The following B3GLCT variants were observed in gnomAD, a reference collection of about 807,000 sequenced individuals.
B3GLCT encodes beta-1,3-glucosyltransferase.
B3GLCT carries 65 observed loss-of-function variants against 63.4 expected under a neutral mutation model. The ratio of observed to expected loss-of-function variants is 1.03; its 90% CI spans 0.84 to 1.26. The LOEUF is 1.26. B3GLCT is among the 50% of genes most tolerant of loss of function. The probability of loss-of-function intolerance (pLI) is 0.00; values close to 1 mark genes in which losing one functional copy is unlikely to be tolerated. For synonymous variants in B3GLCT, 233 were observed against 219.2 expected, an observed-to-expected ratio of 1.06 and a Z score of -0.55; for missense variants, 577 against 604.8, an observed-to-expected ratio of 0.95 and a Z score of 0.48.
Position 31,247,045 on chromosome 13 carries a change from TTCA to T in B3GLCT, c.297_299del (p.His99del), listed in dbSNP as rs1159662288. ...CAGGAGCTCCCCAGTGTCCTCCTCCTTCATCAGCTGGCTAAACAAGAAGGTGCA... is the reference window on the plus strand; with the variant it reads ...CAGGAGCTCCCCAGTGTCCTCCTCCTTCAGCTGGCTAAACAAGAAGGTGCA... On this transcript the variant is annotated inframe_deletion, in exon 5 of 15. Coordinates refer to ENST00000343307, the MANE Select transcript of B3GLCT (RefSeq NM_194318.4). 2.5e-6 allele frequency: 4 copies of T among 1,613,008 alleles called. No homozygotes were observed. Among genetic ancestry groups the T allele is most frequent in the Non-Finnish European group, 3.4e-6 (4 of 1,179,702 alleles).
chr13:31,275,539 C>T (rs1307214986), intron 9 of B3GLCT, among the ~76,000 whole-genome samples: 1 of 152,202 alleles, frequency 6.6e-6, no homozygotes. Flanking sequence ...GCACCCTTTA[C>T]TCTTTCAGCA....
intron 8 of B3GLCT, among the ~76,000 whole-genome samples, chr13:31,270,393 A>G (rs562347538): frequency 6.6e-6 from 1 of 152,348 alleles, no homozygotes; most frequent in African/African-American, 2.4e-5. Context: ...AACTTAGAAA[A>G]ACATAATTCT....
chr13:31,330,609 G>A lies in B3GLCT; in HGVS notation c.*941G>A, dbSNP rs1290623583. 2 of 147,926 alleles carry A rather than the reference G, an allele frequency of 1.4e-5. No individual in the cohort carries two copies. Among genetic ancestry groups the A allele is most frequent in the Non-Finnish European group, 3.0e-5 (2 of 67,270 alleles). The allele number at this position is 147,926 out of a possible 1,614,324, so 9.2% of individuals were successfully genotyped here. A position where few individuals can be genotyped will look rare whatever the true frequency, so the allele number is the denominator to read the frequency against. Reference sequence around the variant, plus strand: ...CTCAGGAGAGAAACCCCTTGTGGAAGGACAGCATGGTGATCAGGCAATTTC... The same window carrying A: ...CTCAGGAGAGAAACCCCTTGTGGAAAGACAGCATGGTGATCAGGCAATTTC... On this transcript the variant is annotated 3_prime_UTR_variant, in exon 15 of 15. Coordinates refer to ENST00000343307, the MANE Select transcript of B3GLCT (RefSeq NM_194318.4).
intron 13 of B3GLCT, among the ~76,000 whole-genome samples, chr13:31,321,448 G>T (rs1360218236): frequency 6.6e-6 from 1 of 152,180 alleles, no homozygotes; most frequent in African/African-American, 2.4e-5. Context: ...CTATTGAGTG[G>T]AATAGAATAA....
At chr13:31,242,914 CACA>C (rs1285276462) in intron 4 of B3GLCT, among the ~76,000 whole-genome samples, 1 of 152,026 alleles carries the variant, frequency 6.6e-6, no homozygotes, top group Non-Finnish European at 1.5e-5. Flanking sequence ...ATTATAACAT[CACA>C]TATAATCTGC....
At chr13:31,206,605 G>T (rs4943209) in intron 1 of B3GLCT, among the ~76,000 whole-genome samples, 133,927 of 145,530 alleles carry the variant, frequency 0.92, 61,956 homozygotes, top group East Asian at 0.98. Context: ...AAAAAAAAAG[G>T]TAGCCGGGCA....
chr13:31,281,194 GTTA>G lies in B3GLCT; in HGVS notation c.851-3453_851-3451del, dbSNP rs528860703. ...CTGCAGTCTCCCTCTAATTAAAGAG[GTTA>G]AATTGCCGTTTGCTCAGCCTTTAGT... is the stretch of plus-strand genomic sequence containing the variant. On this transcript the variant is annotated intron_variant, in intron 10 of 14. Coordinates refer to ENST00000343307, the MANE Select transcript of B3GLCT (RefSeq NM_194318.4). Among the ~76,000 whole-genome samples, 3 of 152,214 alleles carry G rather than the reference GTTA, an allele frequency of 2.0e-5. No individual in the cohort carries two copies. The South Asian group carries it at 6.2e-4, about 32-fold the overall frequency.
chr13:31,286,934 TC>T (rs1873366394), intron 12 of B3GLCT, 115 bp downstream of exon 12: 2 of 684,354 alleles, frequency 2.9e-6, no homozygotes, highest in African/African-American at 3.6e-5. Flanking sequence ...GGTTTACCCT[TC>T]TATCTGAACC....
intron 7 of B3GLCT, among the ~76,000 whole-genome samples, chr13:31,268,366 G>C (rs950868564): frequency 1.3e-5 from 2 of 152,138 alleles, no homozygotes; most frequent in African/African-American, 4.8e-5. Flanking sequence ...AGGTGCGGTG[G>C]GCAGTGCTGG....
At chr13:31,295,363 C>T (rs1298020147) in intron 12 of B3GLCT, among the ~76,000 whole-genome samples, 1 of 152,206 alleles carries the variant, frequency 6.6e-6, no homozygotes, top group East Asian at 1.9e-4. Context: ...ATCCACTGCT[C>T]TCTTCAGAGC....
chr13:31,236,467 C>G (rs1001058707), intron 4 of B3GLCT, among the ~76,000 whole-genome samples: 1 of 152,058 alleles, frequency 6.6e-6, no homozygotes, highest in Non-Finnish European at 1.5e-5. Flanking sequence ...GGCAATGCAC[C>G]CCCATCACCC....
At chr13:31,269,110 C>G in intron 7 of B3GLCT, 104 bp from the exon 8 acceptor site, 1 of 797,866 alleles carries the variant, frequency 1.3e-6, no homozygotes, top group Non-Finnish European at 2.1e-6. Context: ...ATCTTTAAAT[C>G]TGTATGTTTA....
chr13:31,328,665 C>T (rs1875756465), intron 14 of B3GLCT, among the ~76,000 whole-genome samples: 1 of 134,384 alleles, frequency 7.4e-6, no homozygotes, highest in Non-Finnish European at 1.5e-5. Flanking sequence ...TGCACTCCAG[C>T]CTGGGCAGCA....
chr13:31,243,807 A>G (rs1446272631), intron 4 of B3GLCT, among the ~76,000 whole-genome samples: 2 of 152,262 alleles, frequency 1.3e-5, no homozygotes, highest in Non-Finnish European at 2.9e-5. Flanking sequence ...AGTGATTATG[A>G]TACCAGTGGA....
intron 6 of B3GLCT, among the ~76,000 whole-genome samples, chr13:31,260,103 C>T (rs1444560317): frequency 6.6e-6 from 1 of 152,174 alleles, no homozygotes; most frequent in Admixed American, 6.5e-5. Flanking sequence ...TACCTTATTC[C>T]CACACCCAGT....
intron 12 of B3GLCT, among the ~76,000 whole-genome samples, chr13:31,314,262 A>C (rs560569483): frequency 6.6e-6 from 1 of 152,278 alleles, no homozygotes; most frequent in East Asian, 1.9e-4. Context: ...TGTCCTCCAG[A>C]CCACAGAATG....
At chr13:31,316,087 C>T (rs1874991882) in intron 12 of B3GLCT, among the ~76,000 whole-genome samples, 1 of 152,104 alleles carries the variant, frequency 6.6e-6, no homozygotes, top group African/African-American at 2.4e-5. Context: ...GGCTGGGGCC[C>T]TCATGAAGAA....
chr13:31,291,516 G>A (rs1396976465), intron 12 of B3GLCT, among the ~76,000 whole-genome samples: 1 of 152,134 alleles, frequency 6.6e-6, no homozygotes, highest in Non-Finnish European at 1.5e-5. Flanking sequence ...GTGGTTTGTA[G>A]TTCTCCTTGA....
At chr13:31,315,515 C>T (rs1294599481) in intron 12 of B3GLCT, among the ~76,000 whole-genome samples, 1 of 152,098 alleles carries the variant, frequency 6.6e-6, no homozygotes, top group Non-Finnish European at 1.5e-5. Flanking sequence ...CATGAGGTGA[C>T]CTGGCTTATT....
Sources: gnomAD v4.1 joint callset for allele counts (sites outside exome capture counted in the v4.1 genomes callset) on GRCh38, gnomAD v4.1.1 for gene constraint, MANE v1.5 for transcripts, NCBI Gene and HGNC (gene_info 2026-07-23, HGNC 2026-07-21) for gene names.